HAT1: variants seen among roughly 807,000 people sequenced by gnomAD.
HAT1 encodes the protein histone acetyltransferase 1.
A neutral mutation model predicts 56.6 loss-of-function variants in HAT1; 20 were observed. The ratio of observed to expected loss-of-function variants is 0.35; its 90% CI spans 0.25 to 0.51. HAT1 has a LOEUF of 0.51. Among genes scored for constraint, HAT1 ranks in the 20% least tolerant of loss-of-function variants. HAT1 has a pLI of 0.95. For synonymous variants in HAT1, 146 were observed against 165.5 expected, an observed-to-expected ratio of 0.88 and a Z score of 0.91; for missense variants, 408 against 504.3, an observed-to-expected ratio of 0.81 and a Z score of 1.83.
At chr2:171,942,081 T>C (rs949027768) in intron 2 of HAT1, among the ~76,000 whole-genome samples, 32 of 152,180 alleles carry the variant, frequency 2.1e-4, no homozygotes, top group African/African-American at 7.5e-4. Flanking sequence ...AGTTTTGTAA[T>C]TTTAATAGAG....
intron 1 of HAT1, chr2:171,924,428 C>T (rs1686527177): frequency 6.6e-6 from 1 of 152,098 alleles, no homozygotes; most frequent in Non-Finnish European, 1.5e-5. Flanking sequence ...GTCTCGACCT[C>T]GCGATCCCCC....
chr2:171,983,281 CA>C lies in HAT1; in HGVS notation c.1190del (p.Gln397ArgfsTer9). 2.5e-6 allele frequency: 4 copies of C among 1,605,714 alleles called. No individual in the cohort carries two copies. Among genetic ancestry groups the C allele is most frequent in the Non-Finnish European group, 3.4e-6 (4 of 1,173,376 alleles). On this transcript the variant is annotated frameshift_variant, in exon 11 of 11. Transcript: ENST00000264108. LOFTEE classifies it high-confidence loss of function. ...AATAGAAATAAGCATGCAACATGAACAGCTGGAAGAGAGTTTTCAGGAACTA... is the reference window on the plus strand; with the variant it reads ...AATAGAAATAAGCATGCAACATGAACGCTGGAAGAGAGTTTTCAGGAACTA... ...NQIEISMQHE[Q>X]LEESFQELVE...
In HAT1 at chr2:171,949,833, T is replaced by C. The variant is rs555479029; in HGVS notation, c.189-3048T>C. ...GTCTTTTACAATTCAGTGGGCTATGTACAATCTGTTACTGCTACTAATTTT... is the reference window on the plus strand; with the variant it reads ...GTCTTTTACAATTCAGTGGGCTATGCACAATCTGTTACTGCTACTAATTTT... On this transcript the variant is annotated intron_variant, in intron 3 of 10. Coordinates refer to ENST00000264108, the MANE Select transcript of HAT1 (RefSeq NM_003642.4). Among the ~76,000 whole-genome samples, 9 of 152,234 alleles carry C rather than the reference T, an allele frequency of 5.9e-5. No homozygotes were observed. The East Asian group carries it at 1.5e-3, about 26-fold the overall frequency.
intron 2 of HAT1, among the ~76,000 whole-genome samples, chr2:171,945,265 A>G (rs1227848947): frequency 6.6e-6 from 1 of 152,120 alleles, no homozygotes; most frequent in Non-Finnish European, 1.5e-5. Flanking sequence ...ACTATCTAGT[A>G]TTTCAGTACT....
At chr2:171,967,071 A>G in intron 8 of HAT1, 122 bp downstream of exon 8, 1 of 587,610 alleles carries the variant, frequency 1.7e-6, no homozygotes, top group South Asian at 2.3e-5. Context: ...TGTTTAAGCC[A>G]TCTAAAGATG....
At chr2:171,926,860 A>G (rs538096883) in intron 2 of HAT1, among the ~76,000 whole-genome samples, 3 of 152,380 alleles carry the variant, frequency 2.0e-5, no homozygotes, top group Non-Finnish European at 2.9e-5. Flanking sequence ...GAATGTTCAT[A>G]GCTGCGTTAT....
chr2:171,969,336 T>C (rs565180427), intron 8 of HAT1, among the ~76,000 whole-genome samples: 6 of 152,216 alleles, frequency 3.9e-5, no homozygotes, highest in Non-Finnish European at 8.8e-5. Flanking sequence ...TTTTAGAATA[T>C]TATGTGAATT....
chr2:171,935,800 T>C (rs1686859177), intron 2 of HAT1, among the ~76,000 whole-genome samples: 1 of 151,722 alleles, frequency 6.6e-6, no homozygotes, highest in Non-Finnish European at 1.5e-5. Flanking sequence ...CACCTGAGCC[T>C]GGGAGGTTGA....
rs185233952 is a variant in HAT1, at chr2:171,957,079, C to T, written c.309+4078C>T. ...TATGAACCCTCATGACGTACACAGGCGACTCAAGGGTTTTGAGAATTAAAA... is the reference window on the plus strand; with the variant it reads ...TATGAACCCTCATGACGTACACAGGTGACTCAAGGGTTTTGAGAATTAAAA... On this transcript the variant is annotated intron_variant, in intron 4 of 10. Transcript: ENST00000264108. Among the ~76,000 whole-genome samples, 4 of 152,198 alleles carry T rather than the reference C, an allele frequency of 2.6e-5. No homozygotes were observed. The East Asian group carries it at 7.7e-4, about 29-fold the overall frequency.
chr2:171,948,351 A>G (rs1198561737), intron 3 of HAT1, among the ~76,000 whole-genome samples: 22 of 152,052 alleles, frequency 1.4e-4, no homozygotes, highest in Non-Finnish European at 1.9e-4. Flanking sequence ...CAGCCTCCCA[A>G]CTAGCTGAGA....
chr2:171,955,938 G>A (rs1168853942), intron 4 of HAT1, among the ~76,000 whole-genome samples: 28 of 151,988 alleles, frequency 1.8e-4, no homozygotes, highest in Non-Finnish European at 4.4e-5. Context: ...CCAGCTACTC[G>A]GGAGGCTGAG....
At position 171,969,140 on chromosome 2, in the gene HAT1, A is replaced by G. The variant is rs1292538789; in HGVS notation, c.823+2191A>G. Among the ~76,000 whole-genome samples the G allele has an allele frequency of 5.3e-5, 8 of 152,344 alleles. No individual in the cohort carries two copies. The East Asian group carries it at 1.5e-3, about 29-fold the overall frequency. Reference sequence around the variant, plus strand: ...CAGCATTTGAATACATCTCAGTTGTATAACTTTATAAATAGAATCAATGAT... The same window carrying G: ...CAGCATTTGAATACATCTCAGTTGTGTAACTTTATAAATAGAATCAATGAT... On this transcript the variant is annotated intron_variant, in intron 8 of 10. Coordinates refer to ENST00000264108, the MANE Select transcript of HAT1 (RefSeq NM_003642.4).
chr2:171,956,028 G>A (rs1190650576), intron 4 of HAT1, among the ~76,000 whole-genome samples: 1 of 151,828 alleles, frequency 6.6e-6, no homozygotes, highest in Non-Finnish European at 1.5e-5. Flanking sequence ...CTGGGCAACA[G>A]AGCGAGACTC....
At position 171,974,188 on chromosome 2, in the gene HAT1, AAAAAG is replaced by A. The variant is rs1687895791; in HGVS notation, c.824-1964_824-1960del. On this transcript the variant is annotated intron_variant, in intron 8 of 10. Coordinates refer to ENST00000264108, the MANE Select transcript of HAT1 (RefSeq NM_003642.4). ...GACCCTGTCTCAAAAAAAAAAAAAAAAAAAGAAAAAAAGAAAAAGAAAAAAAAAAA... is the reference window on the plus strand; with the variant it reads ...GACCCTGTCTCAAAAAAAAAAAAAAAAAAAAAAGAAAAAGAAAAAAAAAAA... Among the ~76,000 whole-genome samples the A allele has an allele frequency of 2.6e-4, 28 of 106,104 alleles. 1 individual carries two copies. Among genetic ancestry groups the A allele is most frequent in the African/African-American group, 9.4e-4 (27 of 28,844 alleles). The allele number at this position is 106,104 out of a possible 152,430, so 69.6% of individuals were successfully genotyped here.
At chr2:171,982,131 T>A (rs1228377813) in intron 10 of HAT1, among the ~76,000 whole-genome samples, 2 of 152,182 alleles carry the variant, frequency 1.3e-5, no homozygotes, top group Non-Finnish European at 2.9e-5. Context: ...TATTTTCTAC[T>A]CTTAAAGAAT....
intron 1 of HAT1, chr2:171,924,112 CTGTG>C (rs1168578162): frequency 6.6e-6 from 1 of 152,014 alleles, no homozygotes; most frequent in Non-Finnish European, 1.5e-5. Flanking sequence ...TTCCCATTTT[CTGTG>C]TGTGTGTTTT....
chr2:171,956,000 G>A (rs148075809), intron 4 of HAT1, among the ~76,000 whole-genome samples: 2,865 of 151,772 alleles, frequency 0.019, 59 homozygotes, highest in Admixed American at 0.068. Flanking sequence ...AGCCGATATC[G>A]CGCCACTGCA....
chr2:171,936,033 A>G (rs1049527367), intron 2 of HAT1, among the ~76,000 whole-genome samples: 1 of 152,206 alleles, frequency 6.6e-6, no homozygotes, highest in African/African-American at 2.4e-5. Flanking sequence ...CATCATGGGA[A>G]TAAGTGGCTA....
intron 4 of HAT1, among the ~76,000 whole-genome samples, chr2:171,961,886 T>G (rs961045096): frequency 8.3e-6 from 1 of 121,030 alleles, no homozygotes; most frequent in Non-Finnish European, 1.9e-5. Flanking sequence ...GAATTTCTTT[T>G]GCTTGTTTTT....
Sources: allele counts gnomAD v4.1 joint callset (sites outside exome capture counted in the v4.1 genomes callset), GRCh38; gene constraint gnomAD v4.1.1; transcripts MANE v1.5; gene names NCBI Gene and HGNC (gene_info 2026-07-23, HGNC 2026-07-21).